Variants in CTNNA2 observed in about 807,000 individuals in gnomAD.
The protein encoded by CTNNA2 is catenin alpha 2.
In CTNNA2, 42 loss-of-function variants were observed where a neutral mutation model predicts 101.0. The ratio of observed to expected loss-of-function variants is 0.42; its 90% CI spans 0.32 to 0.54. The LOEUF is 0.54. Ranked by LOEUF, CTNNA2 falls within the 20% of genes least tolerant of loss-of-function variation. CTNNA2 has a pLI of 0.14. For missense variants in CTNNA2, 871 were observed against 1,223.1 expected (o/e 0.71, Z 4.29); for synonymous variants, 450 against 456.4 (o/e 0.99, Z 0.18).
chr2:80,001,993 T>C (rs1212082428), intron 7 of CTNNA2, among the ~76,000 whole-genome samples: 1 of 152,250 alleles, frequency 6.6e-6, no homozygotes, highest in Non-Finnish European at 1.5e-5. Context: ...CATACCTCTC[T>C]GTACTTCCAA....
chr2:79,279,093 T>A (rs995328844), intron 2 of CTNNA2, among the ~76,000 whole-genome samples: 1 of 152,120 alleles, frequency 6.6e-6, no homozygotes, highest in African/African-American at 2.4e-5. Flanking sequence ...TCAATATTTG[T>A]TGCATTATTA....
chr2:80,623,664 C>T (rs577046335), intron 18 of CTNNA2, among the ~76,000 whole-genome samples: 4 of 151,934 alleles, frequency 2.6e-5, no homozygotes, highest in South Asian at 2.1e-4. Flanking sequence ...CTAAAATGCA[C>T]GATCCTGGGC....
rs552820974 is a variant in CTNNA2 at position 80,570,334 on chromosome 2, C to T, written c.1742-3829C>T. Among the ~76,000 whole-genome samples the T allele has an allele frequency of 1.8e-4, 28 of 152,302 alleles. 1 individual carries two copies. The East Asian group carries it at 4.4e-3, about 24-fold the overall frequency. On this transcript the variant is annotated intron_variant, in intron 12 of 18. Transcript: ENST00000402739. ...AAAGTGCTGGAATTACACGTGTGAG[C>T]CACCGTGCCCAGCCTCATCACTCTT...
chr2:80,214,733 G>T (rs1708143463), intron 7 of CTNNA2, among the ~76,000 whole-genome samples: 2 of 152,078 alleles, frequency 1.3e-5, no homozygotes, highest in Admixed American at 1.3e-4. Flanking sequence ...ACAATTATGT[G>T]TCTTGGAGTT....
intron 2 of CTNNA2, among the ~76,000 whole-genome samples, chr2:79,737,039 A>G (rs1670930662): frequency 6.6e-6 from 1 of 152,194 alleles, no homozygotes; most frequent in South Asian, 2.1e-4. Context: ...AAATGAGAGG[A>G]AGGGTTTACC....
intron 7 of CTNNA2, among the ~76,000 whole-genome samples, chr2:80,077,484 C>T (rs1291011580): frequency 1.3e-5 from 2 of 151,842 alleles, no homozygotes; most frequent in African/African-American, 2.4e-5. Context: ...CGTGGTGTCC[C>T]ACACCTTTAA....
chr2:80,608,765 T>A (rs1467189606), intron 17 of CTNNA2, among the ~76,000 whole-genome samples: 1 of 151,868 alleles, frequency 6.6e-6, no homozygotes, highest in African/African-American at 2.4e-5. Context: ...CAGGTTCCAA[T>A]GCATACTAGG....
In CTNNA2 at chr2:79,561,189, G is replaced by T. The variant is rs1004468284; in HGVS notation, c.-6+47982G>T. Among the ~76,000 whole-genome samples the T allele has an allele frequency of 4.6e-4, 70 of 151,904 alleles. 1 individual carries two copies. The highest frequency in any genetic ancestry group is 2.0e-3 in the Admixed American group (30 of 15,232). On this transcript the variant is annotated intron_variant, in intron 1 of 18. Transcript: ENST00000402739. ...CTGAATTATATAATATATGACCTTT[G>T]TGCCTGGCTTCTTTCCTTTAGCCTC...
At chr2:80,176,930 T>C (rs1705431586) in intron 7 of CTNNA2, among the ~76,000 whole-genome samples, 1 of 152,180 alleles carries the variant, frequency 6.6e-6, no homozygotes, top group Non-Finnish European at 1.5e-5. Flanking sequence ...CGCTTCCATT[T>C]CCATCCCTTG....
intron 1 of CTNNA2, among the ~76,000 whole-genome samples, chr2:79,559,407 T>G (rs1470488449): frequency 6.6e-6 from 1 of 151,910 alleles, no homozygotes; most frequent in African/African-American, 2.4e-5. Context: ...TATTTTGCCA[T>G]GTCTGAGAAC....
At chr2:80,018,260 C>T (rs1270537568) in intron 7 of CTNNA2, among the ~76,000 whole-genome samples, 1 of 152,136 alleles carries the variant, frequency 6.6e-6, no homozygotes, top group Non-Finnish European at 1.5e-5. Context: ...GAATTGGACA[C>T]ATTTCAGAAG....
intron 3 of CTNNA2, among the ~76,000 whole-genome samples, chr2:79,847,682 G>A (rs889912748): frequency 6.6e-6 from 1 of 151,766 alleles, no homozygotes; most frequent in Non-Finnish European, 1.5e-5. Context: ...GCCCTCCAAG[G>A]TATTGTTAAA....
At chr2:80,162,920 A>G in intron 7 of CTNNA2, 2 of 1,555,924 alleles carry the variant, frequency 1.3e-6, no homozygotes, top group Non-Finnish European at 1.8e-6. Context: ...TTGTGGAGGT[A>G]GGGCTTGAAT....
intron 2 of CTNNA2, among the ~76,000 whole-genome samples, chr2:79,235,787 G>T (rs918111351): frequency 6.6e-6 from 1 of 152,182 alleles, no homozygotes. Context: ...GAAACATGGG[G>T]TTGCACCTGC....
intron 7 of CTNNA2, among the ~76,000 whole-genome samples, chr2:80,249,514 TTCCTA>T (rs1442907387): frequency 5.9e-5 from 9 of 152,186 alleles, no homozygotes; most frequent in Non-Finnish European, 1.3e-4. Context: ...GCCTGGAACT[TTCCTA>T]AAGCTGGAAG....
intron 4 of CTNNA2, among the ~76,000 whole-genome samples, chr2:79,458,158 T>C (rs191730292): frequency 6.6e-6 from 1 of 152,356 alleles, no homozygotes; most frequent in East Asian, 1.9e-4. Context: ...GATACAGTGC[T>C]ACTTTGCCCT....
chr2:80,091,334 G>C (rs1699777145), intron 7 of CTNNA2, among the ~76,000 whole-genome samples: 1 of 152,056 alleles, frequency 6.6e-6, no homozygotes, highest in Admixed American at 6.6e-5. Flanking sequence ...TCACACATCA[G>C]GTTTAGTCAC....
At position 80,470,750 on chromosome 2, in the gene CTNNA2, T is replaced by C. The variant is rs754155548; in HGVS notation, c.1290+51149T>C. On this transcript the variant is annotated intron_variant, in intron 9 of 18. Coordinates refer to ENST00000402739, the MANE Select transcript of CTNNA2 (RefSeq NM_001282597.3). ...AGGAATAGAGAAAGCATACAGAAGA[T>C]AGGAGTAAGAAGACCAATTAATAAA... is the stretch of plus-strand genomic sequence containing the variant. Among the ~76,000 whole-genome samples, 14 of 152,268 alleles carry C rather than the reference T, an allele frequency of 9.2e-5. No homozygotes were observed. In the East Asian group the frequency reaches 2.5e-3, roughly 27 times the overall value.
chr2:79,391,576 C>A (rs1429312381), intron 4 of CTNNA2, among the ~76,000 whole-genome samples: 1 of 152,102 alleles, frequency 6.6e-6, no homozygotes, highest in African/African-American at 2.4e-5. Context: ...GCACCCCTAA[C>A]CCCTGCATGG....
Sources: allele counts gnomAD v4.1 joint callset (sites outside exome capture counted in the v4.1 genomes callset), GRCh38; gene constraint gnomAD v4.1.1; transcripts MANE v1.5; gene names NCBI Gene and HGNC (gene_info 2026-07-23, HGNC 2026-07-21).